METTL15: variants seen among roughly 807,000 people sequenced by gnomAD.
METTL15 encodes the protein 12S rRNA N(4)-cytidine methyltransferase METTL15.
METTL15 carries 34 observed loss-of-function variants against 38.3 expected under a neutral mutation model. That is an observed-to-expected ratio of 0.89 (90% CI 0.68 to 1.18). The LOEUF (loss-of-function observed/expected upper bound fraction) is 1.18, where lower values mean the gene tolerates loss of function less well. Among genes scored for constraint, METTL15 ranks in the 50% most tolerant of loss-of-function variants. The pLI is 0.00. For synonymous variants in METTL15, 162 were observed against 170.9 expected, an observed-to-expected ratio of 0.95 and a Z score of 0.41; for missense variants, 438 against 498.4, an observed-to-expected ratio of 0.88 and a Z score of 1.15.
At chr11:28,298,853 T>G (rs1364111177) in intron 6 of METTL15, among the ~76,000 whole-genome samples, 1 of 152,074 alleles carries the variant, frequency 6.6e-6, no homozygotes, top group East Asian at 1.9e-4. Context: ...AAAACAAAAA[T>G]GTGTTTTCAT....
At chr11:28,235,460 T>A (rs1278526411) in intron 4 of METTL15, among the ~76,000 whole-genome samples, 1 of 152,106 alleles carries the variant, frequency 6.6e-6, no homozygotes, top group Non-Finnish European at 1.5e-5. Context: ...CTTCCATTTG[T>A]TTGTATCCTC....
chr11:28,298,931 A>G (rs1453646300), intron 6 of METTL15, among the ~76,000 whole-genome samples: 1 of 152,256 alleles, frequency 6.6e-6, no homozygotes. Flanking sequence ...CCTAAATACT[A>G]AAGGTAAAAT....
At chr11:28,379,418 T>G (rs1164284681) in intron 5 of METTL15, among the ~76,000 whole-genome samples, 2 of 152,136 alleles carry the variant, frequency 1.3e-5, no homozygotes, top group Non-Finnish European at 2.9e-5. Flanking sequence ...TCAATTTTCA[T>G]TTGTTTTAAG....
At chr11:28,483,074 A>G (rs1421325551) in intron 6 of METTL15, among the ~76,000 whole-genome samples, 1 of 152,162 alleles carries the variant, frequency 6.6e-6, no homozygotes, top group Non-Finnish European at 1.5e-5. Context: ...CCAAACCAGG[A>G]ACTGTATTTT....
At chr11:28,421,357 A>G (rs1437556497) in intron 5 of METTL15, among the ~76,000 whole-genome samples, 1 of 152,122 alleles carries the variant, frequency 6.6e-6, no homozygotes, top group Admixed American at 6.5e-5. Context: ...TTCCAAACTC[A>G]TTCTATGAGG....
intron 4 of METTL15, among the ~76,000 whole-genome samples, chr11:28,277,436 A>C (rs1390988580): frequency 1.3e-5 from 2 of 152,140 alleles, no homozygotes; most frequent in Non-Finnish European, 2.9e-5. Context: ...GGTGGCTTAC[A>C]CCTGTAATCC....
At chr11:28,403,857 G>A (rs914330737) in intron 5 of METTL15, among the ~76,000 whole-genome samples, 2 of 152,042 alleles carry the variant, frequency 1.3e-5, no homozygotes, top group Non-Finnish European at 2.9e-5. Context: ...ATGGGCAGGG[G>A]CTTGGGGAAG....
intron 5 of METTL15, among the ~76,000 whole-genome samples, chr11:28,405,500 G>A (rs528728746): frequency 6.6e-6 from 1 of 151,118 alleles, no homozygotes; most frequent in South Asian, 2.1e-4. Flanking sequence ...TTTTTCTCAG[G>A]TTACTTAGTG....
chr11:28,303,984 C>G (rs1475781272), intron 6 of METTL15, among the ~76,000 whole-genome samples: 1 of 152,132 alleles, frequency 6.6e-6, no homozygotes, highest in Non-Finnish European at 1.5e-5. Flanking sequence ...ATTTCCTCAT[C>G]TGGAAAATAG....
At chr11:28,427,162 G>C (rs1433014559) in intron 6 of METTL15, among the ~76,000 whole-genome samples, 1 of 152,158 alleles carries the variant, frequency 6.6e-6, no homozygotes, top group Non-Finnish European at 1.5e-5. Context: ...TGGCCAGCCA[G>C]TTCTCCAAGC....
intron 3 of METTL15, among the ~76,000 whole-genome samples, chr11:28,183,927 A>G (rs1478519993): frequency 1.3e-5 from 2 of 152,014 alleles, no homozygotes; most frequent in Non-Finnish European, 2.9e-5. Context: ...TACTGCCTCA[A>G]TTTCAGAACT....
chr11:28,120,187 C>T (rs967558065), intron 3 of METTL15, among the ~76,000 whole-genome samples: 2 of 151,288 alleles, frequency 1.3e-5, no homozygotes, highest in African/African-American at 2.4e-5. Flanking sequence ...CTCCTGACCT[C>T]GTGATCTGCC....
At chr11:28,319,149 G>A (rs74480457) in intron 6 of METTL15, among the ~76,000 whole-genome samples, 18 of 152,220 alleles carry the variant, frequency 1.2e-4, no homozygotes, top group African/African-American at 3.9e-4. Flanking sequence ...TAGTGATTTG[G>A]CTTCCATTAA....
chr11:28,224,677 A>T (rs896917555), intron 4 of METTL15, among the ~76,000 whole-genome samples: 1 of 151,824 alleles, frequency 6.6e-6, no homozygotes, highest in African/African-American at 2.4e-5. Context: ...TCGTATAATT[A>T]TAACAATTTA....
At chr11:28,384,237 T>C (rs1850417905) in intron 5 of METTL15, among the ~76,000 whole-genome samples, 1 of 152,140 alleles carries the variant, frequency 6.6e-6, no homozygotes, top group Admixed American at 6.6e-5. Flanking sequence ...TGATTCAATG[T>C]CTTTGCTGTT....
chr11:28,214,214 A>G (rs1368857989), intron 4 of METTL15, among the ~76,000 whole-genome samples: 1 of 151,744 alleles, frequency 6.6e-6, no homozygotes, highest in African/African-American at 2.4e-5. Flanking sequence ...TTTTATTTTT[A>G]GTAGAGATGA....
chr11:28,159,410 G>C lies in METTL15; in HGVS notation c.270+45806G>C, dbSNP rs985843295. Among the ~76,000 whole-genome samples, 5 of 150,950 alleles carry C rather than the reference G, an allele frequency of 3.3e-5. No homozygotes were observed. In the South Asian group the frequency reaches 1.0e-3, roughly 32 times the overall value. ...TCCAGGCAGGACTACAAGTGATCCA[G>C]ACCCTTCATGAATGAAGGTTTGAAT... On this transcript the variant is annotated intron_variant, in intron 3 of 6. Coordinates refer to ENST00000407364, the MANE Select transcript of METTL15 (RefSeq NM_001113528.2).
At chr11:28,283,820 C>T (rs781252318) in intron 4 of METTL15, among the ~76,000 whole-genome samples, 1 of 152,132 alleles carries the variant, frequency 6.6e-6, no homozygotes. Context: ...ATTCTACTTA[C>T]ATCCTGGAGA....
At chr11:28,184,453 C>T (rs763963423) in intron 3 of METTL15, among the ~76,000 whole-genome samples, 9 of 151,730 alleles carry the variant, frequency 5.9e-5, no homozygotes, top group African/African-American at 1.7e-4. Context: ...GATTCTGGTA[C>T]GTTGTGTTTT....
Sources: gnomAD v4.1 joint callset for allele counts (sites outside exome capture counted in the v4.1 genomes callset) on GRCh38, gnomAD v4.1.1 for gene constraint, MANE v1.5 for transcripts, NCBI Gene and HGNC (gene_info 2026-07-23, HGNC 2026-07-21) for gene names.